ADGRL3: variants seen among roughly 807,000 people sequenced by gnomAD.
ADGRL3 encodes calcium-independent alpha-latrotoxin receptor 3.
In ADGRL3, 62 loss-of-function variants were observed where a neutral mutation model predicts 153.5. The observed-to-expected ratio is 0.40, with a 90% CI of 0.33 to 0.50. The LOEUF (loss-of-function observed/expected upper bound fraction) is 0.50. Ranked by LOEUF, ADGRL3 falls within the 20% of genes least tolerant of loss-of-function variation. The probability of loss-of-function intolerance (pLI) is 0.47; values close to 1 mark genes in which losing one functional copy is unlikely to be tolerated. For synonymous variants in ADGRL3, 710 were observed against 672.5 expected, an observed-to-expected ratio of 1.06 and a Z score of -0.86; for missense variants, 1,641 against 1,859.4, an observed-to-expected ratio of 0.88 and a Z score of 2.16.
At chr4:61,990,278 G>A (rs961591308) in intron 19 of ADGRL3, among the ~76,000 whole-genome samples, 2 of 151,898 alleles carry the variant, frequency 1.3e-5, no homozygotes, top group Admixed American at 1.3e-4. Flanking sequence ...ACTAAAGCCA[G>A]TTATAAAAGA....
chr4:61,322,749 C>G (rs2095386467), intron 1 of ADGRL3, among the ~76,000 whole-genome samples: 2 of 152,194 alleles, frequency 1.3e-5, no homozygotes, highest in South Asian at 2.1e-4. Flanking sequence ...TTTCAGGGTA[C>G]AGCCTCCCTC....
At chr4:61,372,387 G>A (rs1294225822) in intron 1 of ADGRL3, among the ~76,000 whole-genome samples, 1 of 151,794 alleles carries the variant, frequency 6.6e-6, no homozygotes, top group Admixed American at 6.6e-5. Context: ...TTTGATGATG[G>A]TGATGTACAG....
chr4:61,371,328 A>T (rs1231052978), intron 1 of ADGRL3, among the ~76,000 whole-genome samples: 3 of 150,742 alleles, frequency 2.0e-5, no homozygotes, highest in Admixed American at 1.3e-4. Context: ...CCTAGTCTCG[A>T]TGGTCTTTAC....
At chr4:61,935,226 T>C (rs534758902) in intron 14 of ADGRL3, among the ~76,000 whole-genome samples, 57 of 152,338 alleles carry the variant, frequency 3.7e-4, no homozygotes, top group African/African-American at 1.3e-3. Flanking sequence ...TCTTAGGACA[T>C]TTCAATATTA....
At chr4:61,726,199 C>CTTTTTTTTTTTTTTT (rs1012113549) in intron 6 of ADGRL3, among the ~76,000 whole-genome samples, 5 of 82,992 alleles carry the variant, frequency 6.0e-5, no homozygotes, top group South Asian at 4.6e-4. Flanking sequence ...CTCACTGGAA[C>CTTTTTTTTTTTTTTT]TTTTTTTTTT....
chr4:62,004,647 T>C (rs991837454), intron 21 of ADGRL3, among the ~76,000 whole-genome samples: 11 of 152,152 alleles, frequency 7.2e-5, no homozygotes, highest in South Asian at 2.1e-4. Flanking sequence ...TTAGAGATAG[T>C]ACGTTTAAAA....
chr4:61,744,008 C>T (rs1397866679), intron 8 of ADGRL3, among the ~76,000 whole-genome samples: 1 of 152,194 alleles, frequency 6.6e-6, no homozygotes, highest in Non-Finnish European at 1.5e-5. Flanking sequence ...CACTCCCACC[C>T]CCATACTGAG....
intron 11 of ADGRL3, among the ~76,000 whole-genome samples, chr4:61,899,209 A>G (rs529777310): frequency 3.8e-4 from 58 of 152,208 alleles, no homozygotes; most frequent in African/African-American, 1.4e-3. Flanking sequence ...CTATCTGCCT[A>G]AATAATTTCT....
intron 3 of ADGRL3, among the ~76,000 whole-genome samples, chr4:61,512,678 T>C (rs1286609833): frequency 6.6e-6 from 1 of 152,080 alleles, no homozygotes. Context: ...TATTATGAAA[T>C]GTGATTATCA....
At chr4:61,218,469 C>A (rs1412338200) in intron 1 of ADGRL3, among the ~76,000 whole-genome samples, 1 of 152,018 alleles carries the variant, frequency 6.6e-6, no homozygotes, top group Non-Finnish European at 1.5e-5. Context: ...ACCACCATGC[C>A]CAGCTACTTT....
chr4:61,747,456 C>T (rs1327770275), intron 8 of ADGRL3, among the ~76,000 whole-genome samples: 2 of 151,004 alleles, frequency 1.3e-5, no homozygotes, highest in African/African-American at 4.9e-5. Context: ...CAAAAATCCT[C>T]AATAAAATAC....
intron 2 of ADGRL3, among the ~76,000 whole-genome samples, chr4:61,392,189 T>C (rs1021807231): frequency 2.0e-5 from 3 of 151,764 alleles, no homozygotes; most frequent in Non-Finnish European, 4.4e-5. Context: ...TTTTATGATA[T>C]TTTCCTTCCA....
chr4:62,051,817 C>G (rs1734367155), intron 25 of ADGRL3, among the ~76,000 whole-genome samples: 2 of 151,838 alleles, frequency 1.3e-5, no homozygotes, highest in South Asian at 4.1e-4. Flanking sequence ...TTGATAAATT[C>G]TAAATATAAG....
chr4:61,546,808 A>G (rs1425755931), intron 4 of ADGRL3, among the ~76,000 whole-genome samples: 1 of 152,210 alleles, frequency 6.6e-6, no homozygotes, highest in East Asian at 1.9e-4. Flanking sequence ...AAATTGAAGA[A>G]ATAGTCCAGT....
intron 9 of ADGRL3, among the ~76,000 whole-genome samples, chr4:61,875,396 A>T (rs1014447657): frequency 1.3e-5 from 2 of 152,178 alleles, no homozygotes; most frequent in Non-Finnish European, 2.9e-5. Flanking sequence ...CATAACACAA[A>T]AATAGTTATT....
At chr4:61,571,374 A>T (rs185479681) in intron 4 of ADGRL3, among the ~76,000 whole-genome samples, 4 of 151,962 alleles carry the variant, frequency 2.6e-5, no homozygotes, top group Admixed American at 2.6e-4. Flanking sequence ...TTAGCTTGGT[A>T]TGGTGACACC....
chr4:62,014,515 A>G (rs1048704077), intron 21 of ADGRL3, among the ~76,000 whole-genome samples: 1 of 152,178 alleles, frequency 6.6e-6, no homozygotes, highest in African/African-American at 2.4e-5. Flanking sequence ...TTTGTTGCCT[A>G]AATTCATTAC....
chr4:61,489,502 G>T (rs537109072), intron 2 of ADGRL3, among the ~76,000 whole-genome samples: 63 of 152,066 alleles, frequency 4.1e-4, no homozygotes, highest in African/African-American at 1.3e-3. Flanking sequence ...CATCTATCCA[G>T]ATAAGTCATT....
intron 1 of ADGRL3, among the ~76,000 whole-genome samples, chr4:61,271,061 T>TA (rs1383499622): frequency 6.6e-6 from 1 of 151,670 alleles, no homozygotes; most frequent in Admixed American, 6.6e-5. Flanking sequence ...TTAGTGTTCT[T>TA]AAAAAAATAA....
Sources: allele counts gnomAD v4.1 joint callset (sites outside exome capture counted in the v4.1 genomes callset), GRCh38; gene constraint gnomAD v4.1.1; transcripts MANE v1.5; gene names NCBI Gene and HGNC (gene_info 2026-07-23, HGNC 2026-07-21).